NUAK1: variants seen among roughly 807,000 people sequenced by gnomAD.
NUAK1 encodes NUAK family SNF1-like kinase 1.
A neutral mutation model predicts 56.9 loss-of-function variants in NUAK1; 26 were observed. That is an observed-to-expected ratio of 0.46 (90% CI 0.33 to 0.63). The LOEUF is 0.63. NUAK1 is among the 30% of genes least tolerant of loss of function. The probability of loss-of-function intolerance (pLI) is 0.02; values close to 1 mark genes in which losing one functional copy is unlikely to be tolerated. For synonymous variants in NUAK1, 337 were observed against 336.0 expected, an observed-to-expected ratio of 1.00 and a Z score of -0.03; for missense variants, 727 against 876.1, an observed-to-expected ratio of 0.83 and a Z score of 2.15.
rs770050415 is a variant in NUAK1, at chr12:106,086,804, C to G, written c.443G>C (p.Arg148Pro). The part of the protein sequence containing the change: ...GELYDYISER[R>P]RLSERETRHF... ...CCGGGTCTCCCTCTCACTGAGGCGT[C>G]GCCGCTCACTGATGTAATCGTACAG... The change falls in exon 3 of 7, where the codon CGA (arginine) becomes CCA (proline). Residue 148 changes from arginine to proline, a missense_variant. Coordinates refer to ENST00000261402, the MANE Select transcript of NUAK1 (RefSeq NM_014840.3). 1.2e-6 allele frequency: 2 copies of G among 1,614,020 alleles called. No homozygotes were observed. Among genetic ancestry groups the G allele is most frequent in the African/African-American group, 2.7e-5 (2 of 74,930 alleles).
intron 1 of NUAK1, among the ~76,000 whole-genome samples, chr12:106,119,400 T>C (rs1248711285): frequency 6.6e-6 from 1 of 152,168 alleles, no homozygotes; most frequent in African/African-American, 2.4e-5. Context: ...CATTCAGCCC[T>C]GAAGACTTTG....
chr12:106,072,595 A>G (rs1353410407), intron 5 of NUAK1, 129 bp downstream of exon 5: 28 of 1,042,266 alleles, frequency 2.7e-5, no homozygotes, highest in Middle Eastern at 6.3e-4. Flanking sequence ...ATAATCGTAT[A>G]AGGAAACGTT....
At chr12:106,115,753 C>T (rs889196747) in intron 1 of NUAK1, among the ~76,000 whole-genome samples, 22 of 152,196 alleles carry the variant, frequency 1.4e-4, no homozygotes, top group Admixed American at 5.9e-4. Flanking sequence ...CGGCCCCAGA[C>T]GAGCATTTCC....
intron 1 of NUAK1, among the ~76,000 whole-genome samples, chr12:106,127,218 G>A (rs1338146116): frequency 1.3e-5 from 2 of 152,154 alleles, no homozygotes; most frequent in South Asian, 2.1e-4. Flanking sequence ...AGGCTGGAGT[G>A]CAGTGGTGTG....
At chr12:106,121,749 C>T (rs570591825) in intron 1 of NUAK1, among the ~76,000 whole-genome samples, 3 of 149,774 alleles carry the variant, frequency 2.0e-5, no homozygotes, top group South Asian at 2.1e-4. Flanking sequence ...GACCCTGTCT[C>T]GGGAAAAAAA....
chr12:106,132,097 G>A (rs1359280427), intron 1 of NUAK1, among the ~76,000 whole-genome samples: 2 of 152,180 alleles, frequency 1.3e-5, no homozygotes, highest in Non-Finnish European at 2.9e-5. Context: ...AAGAAGCCAC[G>A]GCCAGAAACC....
chr12:106,105,172 C>T (rs947800077), intron 2 of NUAK1, among the ~76,000 whole-genome samples: 62 of 152,202 alleles, frequency 4.1e-4, no homozygotes, highest in African/African-American at 1.5e-3. Context: ...AGGCTGGTCT[C>T]GAACTCCTGA....
chr12:106,096,078 T>C (rs922435779), intron 2 of NUAK1, among the ~76,000 whole-genome samples: 3 of 152,186 alleles, frequency 2.0e-5, no homozygotes, highest in African/African-American at 4.8e-5. Context: ...CCCAAATGCA[T>C]GCTGGTGACT....
At chr12:106,117,830 T>C (rs1190863356) in intron 1 of NUAK1, among the ~76,000 whole-genome samples, 1 of 152,190 alleles carries the variant, frequency 6.6e-6, no homozygotes, top group Non-Finnish European at 1.5e-5. Flanking sequence ...GGTCATTCAT[T>C]GTCAATGCCC....
chr12:106,072,939 A>C, intron 4 of NUAK1, 96 bp from the exon 5 acceptor site: 7 of 1,440,144 alleles, frequency 4.9e-6, no homozygotes, highest in Non-Finnish European at 4.8e-6. Context: ...GAGTGGATGA[A>C]GGGCACCTGG....
In NUAK1 at chr12:106,066,929, G is replaced by A. The variant is rs1336452571; in HGVS notation, c.1859C>T (p.Pro620Leu). ...IQDFEGLQNR[P>L]RPQYLKRYRN... ...GTACCGCTTCAGGTACTGGGGCCGG[G>A]GCCGGTTCTGGAGCCCCTCAAAGTC... The change falls in exon 7 of 7, where the codon CCC becomes CTC. Residue 620 changes from proline (P) to leucine (L), a missense_variant. Pro to Leu is a moderately conservative substitution (Grantham distance 98). Coordinates refer to ENST00000261402, the MANE Select transcript of NUAK1 (RefSeq NM_014840.3). 12 of 1,614,012 alleles carry A rather than the reference G, an allele frequency of 7.4e-6. No individual in the cohort carries two copies. The highest frequency in any genetic ancestry group is 9.3e-6 in the Non-Finnish European group (11 of 1,180,012).
intron 1 of NUAK1, among the ~76,000 whole-genome samples, chr12:106,124,320 T>C (rs2033005619): frequency 6.6e-6 from 1 of 152,226 alleles, no homozygotes. Flanking sequence ...ATTTGATTTT[T>C]GCTCCTTAAT....
intron 4 of NUAK1, among the ~76,000 whole-genome samples, chr12:106,074,231 A>G (rs1033214549): frequency 6.6e-6 from 1 of 152,120 alleles, no homozygotes; most frequent in Non-Finnish European, 1.5e-5. Context: ...GATAATTAAT[A>G]TATAATGCAA....
In NUAK1 at chr12:106,138,417, T is replaced by C; in HGVS notation, c.237A>G (p.Arg79=). Reference sequence around the variant, plus strand: ...CCTCCAGGATTGCCCCACTCACCACTCGGCCAGAAAACCTCTCGGTGGCCC... The same window carrying C: ...CCTCCAGGATTGCCCCACTCACCACCCGGCCAGAAAACCTCTCGGTGGCCC... ...VKRATERFSG[R]VVAIKSIRKD... Residue 79 remains arginine (R), a synonymous_variant, in exon 1 of 7, where the codon CGA becomes CGG. Coordinates refer to ENST00000261402, the MANE Select transcript of NUAK1 (RefSeq NM_014840.3). This position sits in a 1 kb window ranked among gnomAD's most constrained non-coding sequence, Gnocchi z 5.0. The C allele has an allele frequency of 6.2e-7, 1 of 1,605,082 alleles. No homozygotes were observed. Among genetic ancestry groups the C allele is most frequent in the Middle Eastern group, 1.7e-4 (1 of 6,030 alleles).
At chr12:106,078,038 TGC>T (rs1347620510) in intron 4 of NUAK1, among the ~76,000 whole-genome samples, 12 of 152,238 alleles carry the variant, frequency 7.9e-5, no homozygotes, top group Non-Finnish European at 1.6e-4. Context: ...AATCACTTGG[TGC>T]TGTGAAAATC....
intron 6 of NUAK1, 32 bp downstream of exon 6, chr12:106,070,742 C>T (rs1423472596): frequency 2.5e-5 from 41 of 1,613,476 alleles, no homozygotes; most frequent in Non-Finnish European, 3.5e-5. Context: ...CTCTCCCCTC[C>T]ACCTCTGACC....
At chr12:106,108,983 T>C (rs941214714) in intron 1 of NUAK1, among the ~76,000 whole-genome samples, 2 of 152,152 alleles carry the variant, frequency 1.3e-5, no homozygotes, top group Admixed American at 6.5e-5. Flanking sequence ...TTAATAAGCA[T>C]AGTGGCTGTC....
rs148476419 is a variant in NUAK1, at chr12:106,078,010, T to C, written c.580-5167A>G. Reference sequence around the variant, plus strand: ...AGTCTCAGATTCCTTTGTTGGAAAATGGAATTGCAATACCGCCAATCACTT... The same window carrying C: ...AGTCTCAGATTCCTTTGTTGGAAAACGGAATTGCAATACCGCCAATCACTT... On this transcript the variant is annotated intron_variant, in intron 4 of 6. Coordinates refer to ENST00000261402, the MANE Select transcript of NUAK1 (RefSeq NM_014840.3). Among the ~76,000 whole-genome samples, 342 of 152,314 alleles carry C rather than the reference T, an allele frequency of 2.2e-3. 2 individuals are homozygous for C. Among genetic ancestry groups the C allele is most frequent in the Non-Finnish European group, 3.8e-3 (260 of 68,028 alleles).
In NUAK1 at chr12:106,064,800, C is replaced by G. The variant is rs551593546; in HGVS notation, c.*2002G>C. 15 of 148,440 alleles carry G rather than the reference C, an allele frequency of 1.0e-4. 1 individual carries two copies. The East Asian group carries it at 1.4e-3, about 14-fold the overall frequency. 9.2% of individuals were successfully genotyped at this position (148,440 alleles called of 1,614,324 possible). ...CCATGCACCCACACCCCCACCCCCC[C>G]CCACACACACAATTTGCTATCTACA... is the stretch of plus-strand genomic sequence containing the variant. On this transcript the variant is annotated 3_prime_UTR_variant, in exon 7 of 7. Transcript: ENST00000261402.
Sources: allele counts gnomAD v4.1 joint callset (sites outside exome capture counted in the v4.1 genomes callset), GRCh38; gene constraint gnomAD v4.1.1; non-coding constraint Gnocchi (gnomAD v3.1); transcripts MANE v1.5; gene names NCBI Gene and HGNC (gene_info 2026-07-23, HGNC 2026-07-21).